Variants in LRRC7 observed in about 807,000 individuals in gnomAD.
LRRC7 encodes leucine rich repeat containing 7, also known as leucine-rich repeat-containing protein 7.
A neutral mutation model predicts 175.7 loss-of-function variants in LRRC7; 23 were observed. The ratio of observed to expected loss-of-function variants is 0.13; its 90% confidence interval spans 0.09 to 0.19. The LOEUF is 0.19. Among genes scored for constraint, LRRC7 ranks in the 10% least tolerant of loss-of-function variants. LRRC7 has a pLI of 1.00. For missense variants in LRRC7, 1,354 were observed against 1,904.7 expected (o/e 0.71, Z 5.38); for synonymous variants, 685 against 680.9 (o/e 1.01, Z -0.09).
At chr1:69,978,682 A>G (rs886951050) in intron 8 of LRRC7, among the ~76,000 whole-genome samples, 10 of 152,232 alleles carry the variant, frequency 6.6e-5, no homozygotes, top group Admixed American at 5.2e-4. Flanking sequence ...CACAGGCTAA[A>G]GGAATCTGAG....
chr1:69,612,860 C>T (rs956144028), intron 1 of LRRC7, among the ~76,000 whole-genome samples: 2 of 151,116 alleles, frequency 1.3e-5, no homozygotes, highest in Non-Finnish European at 2.9e-5. Context: ...AATAACTTAA[C>T]GGGGTCAAGT....
At chr1:69,596,834 T>C (rs1177715939) in intron 1 of LRRC7, among the ~76,000 whole-genome samples, 1 of 152,194 alleles carries the variant, frequency 6.6e-6, no homozygotes, top group East Asian at 1.9e-4. Context: ...CAGTGTGTGG[T>C]TATAAAGTGA....
intron 8 of LRRC7, among the ~76,000 whole-genome samples, chr1:69,954,258 G>T (rs1372903074): frequency 6.6e-6 from 1 of 151,994 alleles, no homozygotes; most frequent in Non-Finnish European, 1.5e-5. Flanking sequence ...ACACAAGCGT[G>T]CTGTGGGTTG....
Position 70,129,434 on chromosome 1 carries a change from G to T in LRRC7, c.*7547G>T, listed in dbSNP as rs1666578202. Among the ~76,000 whole-genome samples, 1 of 152,152 alleles carries T rather than the reference G, an allele frequency of 6.6e-6. No individual in the cohort carries two copies. Among genetic ancestry groups the T allele is most frequent in the South Asian group, 2.1e-4 (1 of 4,828 alleles). On this transcript the variant is annotated 3_prime_UTR_variant, in exon 27 of 27. Transcript: ENST00000651989. Reference sequence around the variant, plus strand: ...TTGCCAATTTGTTCTAAAGAGGAAAGGAAATGAAGAAAGGTGTTCCTCAAC... The same window carrying T: ...TTGCCAATTTGTTCTAAAGAGGAAATGAAATGAAGAAAGGTGTTCCTCAAC...
chr1:69,749,557 G>T (rs764695196), intron 2 of LRRC7, among the ~76,000 whole-genome samples: 1 of 152,050 alleles, frequency 6.6e-6, no homozygotes, highest in Non-Finnish European at 1.5e-5. Flanking sequence ...CAACCAAAAA[G>T]TTCCAATTCT....
intron 21 of LRRC7, among the ~76,000 whole-genome samples, chr1:70,040,117 G>A (rs529488130): frequency 2.0e-5 from 3 of 152,292 alleles, no homozygotes; most frequent in East Asian, 1.9e-4. Context: ...CTCCTAGGAC[G>A]CAAAACTGTT....
At chr1:69,647,099 C>T (rs1655112568) in intron 1 of LRRC7, among the ~76,000 whole-genome samples, 1 of 152,082 alleles carries the variant, frequency 6.6e-6, no homozygotes, top group South Asian at 2.1e-4. Context: ...CCAAAAGATT[C>T]CTGCTATTAA....
chr1:70,036,729 C>A, intron 20 of LRRC7, 105 bp downstream of exon 20: 1 of 1,239,784 alleles, frequency 8.1e-7, no homozygotes, highest in Non-Finnish European at 1.1e-6. Flanking sequence ...ACACAAGTGG[C>A]ATAGAAGACA....
chr1:69,832,074 G>A (rs1002941078), intron 5 of LRRC7, among the ~76,000 whole-genome samples: 2 of 151,960 alleles, frequency 1.3e-5, no homozygotes, highest in African/African-American at 2.4e-5. Context: ...AGAAGCAGAC[G>A]TTTAGAAAAG....
intron 2 of LRRC7, among the ~76,000 whole-genome samples, chr1:69,693,616 T>C (rs1351596921): frequency 1.8e-5 from 1 of 54,368 alleles, no homozygotes; most frequent in East Asian, 6.5e-4. Flanking sequence ...TCTATTTTAC[T>C]CTAAATCCAA....
chr1:69,886,534 T>G (rs1431651709), intron 7 of LRRC7, among the ~76,000 whole-genome samples: 1 of 152,086 alleles, frequency 6.6e-6, no homozygotes, highest in Non-Finnish European at 1.5e-5. Context: ...ATGGGTTTCC[T>G]GAATACAGCA....
At chr1:70,051,140 G>T (rs908064811) in intron 22 of LRRC7, among the ~76,000 whole-genome samples, 17 of 151,920 alleles carry the variant, frequency 1.1e-4, no homozygotes, top group Admixed American at 2.6e-4. Context: ...ACACCAAAAA[G>T]AATTTGTAAT....
At chr1:70,080,879 G>T (rs948122750) in intron 24 of LRRC7, among the ~76,000 whole-genome samples, 14 of 152,150 alleles carry the variant, frequency 9.2e-5, no homozygotes, top group African/African-American at 2.9e-4. Context: ...CATTCCACAT[G>T]GAAAACCCTT....
At chr1:70,043,351 T>C (rs1484672389) in intron 21 of LRRC7, among the ~76,000 whole-genome samples, 1 of 152,184 alleles carries the variant, frequency 6.6e-6, no homozygotes, top group East Asian at 1.9e-4. Context: ...ATGTATTTGA[T>C]TGGTTTAGCT....
intron 7 of LRRC7, among the ~76,000 whole-genome samples, chr1:69,842,261 G>A (rs1681811645): frequency 6.6e-6 from 1 of 151,930 alleles, no homozygotes; most frequent in Non-Finnish European, 1.5e-5. Context: ...GGTAATAATG[G>A]TGGGTTTTAA....
chr1:69,704,993 A>T (rs1220024146), intron 2 of LRRC7, among the ~76,000 whole-genome samples: 2 of 152,134 alleles, frequency 1.3e-5, no homozygotes, highest in East Asian at 1.9e-4. Context: ...TATCATGAAC[A>T]CTTTAAAACA....
intron 25 of LRRC7, among the ~76,000 whole-genome samples, chr1:70,092,911 A>G (rs74534860): frequency 0.013 from 1,903 of 152,232 alleles, 39 homozygotes; most frequent in African/African-American, 0.043. Flanking sequence ...TCAAGATCCA[A>G]GGTAGTCTTG....
intron 7 of LRRC7, among the ~76,000 whole-genome samples, chr1:69,871,390 A>G (rs1341546754): frequency 1.3e-5 from 2 of 152,016 alleles, no homozygotes; most frequent in African/African-American, 4.8e-5. Context: ...GAGACAAAAC[A>G]CTAAGATTCA....
intron 4 of LRRC7, among the ~76,000 whole-genome samples, chr1:69,799,864 T>C (rs1676258039): frequency 6.6e-6 from 1 of 152,122 alleles, no homozygotes; most frequent in African/African-American, 2.4e-5. Context: ...CTTCTAGTAT[T>C]TTTATAGTTT....
Sources: gnomAD v4.1 joint callset for allele counts (sites outside exome capture counted in the v4.1 genomes callset) on GRCh38, gnomAD v4.1.1 for gene constraint, MANE v1.5 for transcripts, NCBI Gene and HGNC (gene_info 2026-07-23, HGNC 2026-07-21) for gene names.